BAZ2B: variants seen among roughly 807,000 people sequenced by gnomAD.
The protein encoded by BAZ2B is bromodomain adjacent to zinc finger domain protein 2B.
BAZ2B carries 91 observed loss-of-function variants against 246.0 expected under a neutral mutation model. That is an observed-to-expected ratio of 0.37 (90% CI 0.31 to 0.44). The LOEUF is 0.44. Among genes scored for constraint, BAZ2B ranks in the 20% least tolerant of loss-of-function variants. The pLI is 1.00. For missense variants in BAZ2B, 2,332 were observed against 2,533.7 expected, an observed-to-expected ratio of 0.92 and a Z score of 1.71; for synonymous variants, 855 against 860.0, an observed-to-expected ratio of 0.99 and a Z score of 0.10.
At position 159,349,834 on chromosome 2, in the gene BAZ2B, T is replaced by G; in HGVS notation, c.4737A>C (p.Ser1579=). 6.2e-7 allele frequency: 1 copy of G among 1,614,174 alleles called. No individual in the cohort carries two copies. The highest frequency in any genetic ancestry group is 8.5e-7 in the Non-Finnish European group (1 of 1,180,014). Residue 1579 remains serine (S), a synonymous_variant, in exon 28 of 37, where the codon TCA becomes TCC. Coordinates refer to ENST00000392783, the MANE Select transcript of BAZ2B (RefSeq NM_013450.4). The part of the protein sequence containing the change: ...DDTSLTHADM[S]TASLVTPQSQ... ...ACTGAGGAGTCACCAAAGAAGCAGT[T>G]GACATATCGGCATGAGTAAGTGAAG...
chr2:159,565,777 CAAA>C (rs35993512), intron 1 of BAZ2B, among the ~76,000 whole-genome samples: 76 of 109,392 alleles, frequency 6.9e-4, no homozygotes, highest in South Asian at 5.3e-3. Flanking sequence ...ACTCCCATCT[CAAA>C]AAAAAAAAAA....
intron 13 of BAZ2B, among the ~76,000 whole-genome samples, chr2:159,413,975 G>C (rs1435428324): frequency 6.6e-6 from 1 of 152,176 alleles, no homozygotes; most frequent in Non-Finnish European, 1.5e-5. Flanking sequence ...CATGTTTGCT[G>C]CAGCACTGTT....
At chr2:159,395,534 A>C (rs1201798871) in intron 20 of BAZ2B, 2 of 341,268 alleles carry the variant, frequency 5.9e-6, no homozygotes, top group Admixed American at 9.4e-5. Context: ...TATTTACTAC[A>C]CTAAAAAAAG....
downstream of BAZ2B, among the ~76,000 whole-genome samples, chr2:159,317,867 G>A (rs571546569): frequency 7.2e-5 from 11 of 152,230 alleles, no homozygotes; most frequent in African/African-American, 2.6e-4. Flanking sequence ...ATCCACGTAT[G>A]TATAGTAACC....
the BAZ2B span, among the ~76,000 whole-genome samples, chr2:159,632,241 G>T: frequency 2.0e-5 from 3 of 152,118 alleles, no homozygotes; most frequent in African/African-American, 7.2e-5. Flanking sequence ...TAAATTGATT[G>T]AGTTAACTAA....
chr2:159,551,932 T>A (rs1271174547), intron 2 of BAZ2B, among the ~76,000 whole-genome samples: 1 of 152,168 alleles, frequency 6.6e-6, no homozygotes, highest in Non-Finnish European at 1.5e-5. Context: ...AATAATATTA[T>A]CCCTACTCTA....
intron 2 of BAZ2B, among the ~76,000 whole-genome samples, chr2:159,501,549 A>C (rs2081844637): frequency 6.6e-6 from 1 of 151,996 alleles, no homozygotes; most frequent in Non-Finnish European, 1.5e-5. Context: ...CTCAGTAATA[A>C]AATTATTCTA....
chr2:159,412,431 T>G lies in BAZ2B; in HGVS notation c.2581A>C (p.Arg861=), dbSNP rs1489224876. The change falls in exon 14 of 37, where the codon AGG becomes CGG. Residue 861 remains arginine (R), a synonymous_variant. Coordinates refer to ENST00000392783, the MANE Select transcript of BAZ2B (RefSeq NM_013450.4). ...PDRQRAREES[R]MRRRKGRPPN... ...GGTCGACCTTTCCGACGTCTCATCC[T>G]GGATTCCTCTCTTGCTCGTTGTCTA... The G allele has an allele frequency of 1.2e-6, 2 of 1,614,070 alleles. No homozygotes were observed. Among genetic ancestry groups the G allele is most frequent in the Middle Eastern group, 1.6e-4 (1 of 6,084 alleles).
intron 2 of BAZ2B, among the ~76,000 whole-genome samples, chr2:159,529,825 T>C (rs935641456): frequency 5.3e-5 from 8 of 150,864 alleles, no homozygotes; most frequent in African/African-American, 1.9e-4. Flanking sequence ...TCATATAACC[T>C]CTGATTGTAT....
intron 4 of BAZ2B, among the ~76,000 whole-genome samples, chr2:159,452,444 G>A (rs1304188148): frequency 6.6e-6 from 1 of 152,182 alleles, no homozygotes; most frequent in Non-Finnish European, 1.5e-5. Flanking sequence ...TCGTTTTTCA[G>A]ATGAGAAAAC....
chr2:159,604,272 A>ATATTT (rs1406626543), intron 1 of BAZ2B, among the ~76,000 whole-genome samples: 5 of 151,870 alleles, frequency 3.3e-5, no homozygotes, highest in Admixed American at 2.6e-4. Flanking sequence ...CATGTATTTT[A>ATATTT]TATTTTATTT....
intron 1 of BAZ2B, among the ~76,000 whole-genome samples, chr2:159,611,915 C>T (rs1162812852): frequency 2.0e-5 from 3 of 151,696 alleles, no homozygotes; most frequent in African/African-American, 7.3e-5. Flanking sequence ...CAAAAAACAC[C>T]ATGCAAATAA....
chr2:159,400,047 T>C (rs1293481348), intron 17 of BAZ2B, among the ~76,000 whole-genome samples: 1 of 152,230 alleles, frequency 6.6e-6, no homozygotes, highest in Non-Finnish European at 1.5e-5. Flanking sequence ...TTTCAGTTCC[T>C]ATATATGCTA....
intron 14 of BAZ2B, among the ~76,000 whole-genome samples, 192 bp downstream of exon 14, chr2:159,412,143 G>T (rs750803313): frequency 1.1e-4 from 16 of 152,130 alleles, no homozygotes; most frequent in Non-Finnish European, 2.2e-4. Flanking sequence ...TATGAGTAAT[G>T]GTTCTTGAAA....
intron 13 of BAZ2B, among the ~76,000 whole-genome samples, chr2:159,424,907 AT>A (rs1261651947): frequency 3.3e-5 from 5 of 151,528 alleles, no homozygotes; most frequent in Non-Finnish European, 4.4e-5. Flanking sequence ...CTACAGATAC[AT>A]TTTTTTTTCC....
intron 2 of BAZ2B, among the ~76,000 whole-genome samples, chr2:159,479,058 C>T (rs573035399): frequency 6.6e-6 from 1 of 152,200 alleles, no homozygotes; most frequent in East Asian, 1.9e-4. Flanking sequence ...CATCAGTTCA[C>T]TTGCAACAGA....
intron 3 of BAZ2B, among the ~76,000 whole-genome samples, chr2:159,473,364 T>C (rs1559545686): frequency 6.6e-6 from 1 of 152,234 alleles, no homozygotes; most frequent in African/African-American, 2.4e-5. Flanking sequence ...ATAGAGGTGT[T>C]TATAGTACTC....
intron 2 of BAZ2B, among the ~76,000 whole-genome samples, chr2:159,537,809 T>A (rs528183370): frequency 7.2e-5 from 11 of 151,954 alleles, no homozygotes; most frequent in Admixed American, 2.0e-4. Context: ...TTTTTGAAAA[T>A]TTTTTTTTCC....
At chr2:159,549,582 C>G (rs1439290348) in intron 2 of BAZ2B, among the ~76,000 whole-genome samples, 1 of 152,006 alleles carries the variant, frequency 6.6e-6, no homozygotes, top group Non-Finnish European at 1.5e-5. Context: ...TACAGTAACA[C>G]GAACGATAGC....
Sources: gnomAD v4.1 joint callset for allele counts (sites outside exome capture counted in the v4.1 genomes callset) on GRCh38, gnomAD v4.1.1 for gene constraint, MANE v1.5 for transcripts, NCBI Gene and HGNC (gene_info 2026-07-23, HGNC 2026-07-21) for gene names.